The following SLC2A5 variants were observed in gnomAD, a reference collection of about 807,000 sequenced individuals.
The protein encoded by SLC2A5 is solute carrier family 2 member 5.
Under a neutral mutation model 50.3 loss-of-function variants are expected in SLC2A5, and 56 were observed. That is an observed-to-expected ratio of 1.11 (90% confidence interval 0.90 to 1.39). The LOEUF (loss-of-function observed/expected upper bound fraction) is 1.39, where lower values mean the gene tolerates loss of function less well. Among genes scored for constraint, SLC2A5 ranks in the 40% most tolerant of loss-of-function variants. The probability of loss-of-function intolerance (pLI) is 0.00; values close to 1 mark genes in which losing one functional copy is unlikely to be tolerated. For missense variants in SLC2A5, 566 were observed against 650.1 expected, an observed-to-expected ratio of 0.87 and a Z score of 1.41; for synonymous variants, 269 against 281.9, an observed-to-expected ratio of 0.95 and a Z score of 0.46.
At chr1:9,057,846 G>T (rs1034389785) in intron 2 of SLC2A5, among the ~76,000 whole-genome samples, 1 of 152,076 alleles carries the variant, frequency 6.6e-6, no homozygotes, top group African/African-American at 2.4e-5. Context: ...GCCAGAAAGG[G>T]ATGACTCCAA....
chr1:9,041,367 G>T, intron 5 of SLC2A5: 1 of 822,212 alleles, frequency 1.2e-6, no homozygotes, highest in Admixed American at 4.2e-5. Flanking sequence ...TCTCTTTCTG[G>T]TCTGCAAAAT....
chr1:9,087,007 C>G (rs1642407580), intron 1 of SLC2A5, among the ~76,000 whole-genome samples: 2 of 152,154 alleles, frequency 1.3e-5, no homozygotes, highest in Middle Eastern at 3.2e-3. Context: ...GACATTCCAA[C>G]CCCACAATAA....
At chr1:9,061,221 G>A (rs113674154) in intron 1 of SLC2A5, among the ~76,000 whole-genome samples, 4,913 of 149,064 alleles carry the variant, frequency 0.033, 112 homozygotes, top group Non-Finnish European at 0.049. Flanking sequence ...CGCAGAGGTT[G>A]CAGTAAGCTG....
In SLC2A5 at chr1:9,040,338, A is replaced by T. The variant is rs577127724; in HGVS notation, c.572-149T>A. ...CCAGCCCTAAGAACAGCAACTCCCG[A>T]CGGTGGACACTCGGGAAACACCTGC... On this transcript the variant is annotated intron_variant, in intron 5 of 11. Coordinates refer to ENST00000377424, the MANE Select transcript of SLC2A5 (RefSeq NM_003039.3). The surrounding 1 kb of genome is among the most constrained non-coding windows in gnomAD (Gnocchi z 4.3). The T allele has an allele frequency of 2.1e-4, 192 of 930,600 alleles. No homozygotes were observed. In the African/African-American group the frequency reaches 2.4e-3, roughly 11 times the overall value. 57.6% of individuals were successfully genotyped at this position (930,600 alleles called of 1,614,324 possible). A position where few individuals can be genotyped will look rare whatever the true frequency, so the allele number is the denominator to read the frequency against.
chr1:9,052,060 C>CTG (rs1641591837), intron 3 of SLC2A5, among the ~76,000 whole-genome samples: 1 of 152,082 alleles, frequency 6.6e-6, no homozygotes, highest in African/African-American at 2.4e-5. Context: ...CCGAGGTGGG[C>CTG]GGATCACGAG....
chr1:9,062,030 G>A lies in SLC2A5; in HGVS notation c.34-3780C>T, dbSNP rs1641957686. On this transcript the variant is annotated intron_variant, in intron 1 of 11. Coordinates refer to ENST00000377424, the MANE Select transcript of SLC2A5 (RefSeq NM_003039.3). ...AATTCAAGCCACAGGCACATTCTGTGGGCGCAGTAGAAATCATGGCTCACT... is the reference window on the plus strand; with the variant it reads ...AATTCAAGCCACAGGCACATTCTGTAGGCGCAGTAGAAATCATGGCTCACT... Among the ~76,000 whole-genome samples, 3 of 152,156 alleles carry A rather than the reference G, an allele frequency of 2.0e-5. No individual in the cohort carries two copies. In the South Asian group the frequency reaches 6.2e-4, roughly 32 times the overall value.
intron 1 of SLC2A5, among the ~76,000 whole-genome samples, chr1:9,060,160 C>CCA (rs879883231): frequency 0.018 from 1,838 of 103,092 alleles, 27 homozygotes; most frequent in South Asian, 0.093. Flanking sequence ...ACTACACACA[C>CCA]TACACACTAC....
At chr1:9,091,137 G>T (rs1255989245), upstream of SLC2A5, among the ~76,000 whole-genome samples, 1 of 152,098 alleles carries the variant, frequency 6.6e-6, no homozygotes, top group African/African-American at 2.4e-5. Flanking sequence ...AGCAAATTTT[G>T]CCATTATTGC....
intron 1 of SLC2A5, 115 bp downstream of exon 1, chr1:9,069,389 C>T: frequency 9.2e-7 from 1 of 1,089,636 alleles, no homozygotes; most frequent in Non-Finnish European, 1.4e-6. Context: ...TAATCCCTCC[C>T]AACACAGAGT....
chr1:9,072,704 C>T (rs1447395589), upstream of SLC2A5, among the ~76,000 whole-genome samples: 2 of 151,698 alleles, frequency 1.3e-5, no homozygotes, highest in Middle Eastern at 3.4e-3. Context: ...AAACCCAGCA[C>T]TTTGGGAGGC....
intron 2 of SLC2A5, among the ~76,000 whole-genome samples, chr1:9,075,866 G>C (rs1642275763): frequency 1.3e-5 from 2 of 152,034 alleles, no homozygotes; most frequent in African/African-American, 4.8e-5. Context: ...TCACCATGTT[G>C]GTCAAGCTGG....
At chr1:9,077,660 C>A (rs914851758) in intron 2 of SLC2A5, among the ~76,000 whole-genome samples, 1 of 146,992 alleles carries the variant, frequency 6.8e-6, no homozygotes, top group African/African-American at 2.5e-5. Context: ...GAGGCTGAGG[C>A]GGGAGAATCA....
intron 3 of SLC2A5, among the ~76,000 whole-genome samples, chr1:9,050,109 T>C (rs923107658): frequency 6.6e-6 from 1 of 151,458 alleles, no homozygotes; most frequent in African/African-American, 2.4e-5. Context: ...CCACCTCTAC[T>C]AAAAATACAA....
chr1:9,090,816 C>T (rs1557688303), upstream of SLC2A5, among the ~76,000 whole-genome samples: 1 of 152,224 alleles, frequency 6.6e-6, no homozygotes, highest in Non-Finnish European at 1.5e-5. Context: ...TTAGACCTCT[C>T]CCAACTACCT....
intron 4 of SLC2A5, 93 bp downstream of exon 4, chr1:9,047,517 C>T: frequency 7.4e-7 from 1 of 1,352,602 alleles, no homozygotes; most frequent in South Asian, 1.3e-5. Flanking sequence ...CTACACGCTT[C>T]AGACATCACA....
chr1:9,065,188 TCTC>T (rs1181859169), intron 1 of SLC2A5, among the ~76,000 whole-genome samples: 1 of 152,278 alleles, frequency 6.6e-6, no homozygotes, highest in Non-Finnish European at 1.5e-5. Flanking sequence ...AACTTGAACT[TCTC>T]CTATGCTCTC....
intron 3 of SLC2A5, among the ~76,000 whole-genome samples, chr1:9,055,263 AT>A: frequency 6.6e-6 from 1 of 152,212 alleles, no homozygotes; most frequent in East Asian, 1.9e-4. Flanking sequence ...CACACCTGTA[AT>A]CTCAGCACTT....
At chr1:9,087,878 C>T (rs936045047) in intron 1 of SLC2A5, among the ~76,000 whole-genome samples, 2 of 152,102 alleles carry the variant, frequency 1.3e-5, no homozygotes, top group African/African-American at 4.8e-5. Flanking sequence ...TGCCTCCAGT[C>T]CAGGAGGCCC....
chr1:9,057,292 T>TAAAAAAAAAAAAAAAA (rs760221358), intron 3 of SLC2A5, among the ~76,000 whole-genome samples, 156 bp downstream of exon 3: 1 of 103,436 alleles, frequency 9.7e-6, no homozygotes. Flanking sequence ...TCTCAAAAAT[T>TAAAAAAAAAAAAAAAA]AAAAAAAAAA....
Sources: allele counts gnomAD v4.1 joint callset (sites outside exome capture counted in the v4.1 genomes callset), GRCh38; gene constraint gnomAD v4.1.1; non-coding constraint Gnocchi (gnomAD v3.1); transcripts MANE v1.5; gene names NCBI Gene and HGNC (gene_info 2026-07-23, HGNC 2026-07-21).